The following IFT80 variants were observed in gnomAD, a reference collection of about 807,000 sequenced individuals.
IFT80 encodes intraflagellar transport protein 80 homolog.
A neutral mutation model predicts 107.9 loss-of-function variants in IFT80; 79 were observed. That is an observed-to-expected ratio of 0.73 (90% CI 0.61 to 0.88). IFT80 has a LOEUF of 0.88. Among genes scored for constraint, IFT80 ranks in the 40% least tolerant of loss-of-function variants. The probability of loss-of-function intolerance (pLI) is 0.00; values close to 1 mark genes in which losing one functional copy is unlikely to be tolerated. For missense variants in IFT80, 797 were observed against 914.2 expected (o/e 0.87, Z 1.65); for synonymous variants, 299 against 300.9 (o/e 0.99, Z 0.07).
At chr3:160,382,142 G>A (rs1025271850) in intron 2 of IFT80, among the ~76,000 whole-genome samples, 1 of 152,136 alleles carries the variant, frequency 6.6e-6, no homozygotes, top group African/African-American at 2.4e-5. Context: ...TCTGTATCAT[G>A]TAAGTTATTA....
intron 5 of IFT80, among the ~76,000 whole-genome samples, chr3:160,368,635 AC>A (rs1297634301): frequency 2.6e-5 from 4 of 151,530 alleles, no homozygotes; most frequent in Non-Finnish European, 5.9e-5. Context: ...ACCTTAATAA[AC>A]TCCCCAAAAA....
At chr3:160,323,541 T>G (rs1433077116) in intron 8 of IFT80, among the ~76,000 whole-genome samples, 1 of 151,784 alleles carries the variant, frequency 6.6e-6, no homozygotes, top group East Asian at 1.9e-4. Flanking sequence ...GGGTACATAA[T>G]GAAATGAAGG....
At chr3:160,363,866 G>C (rs147742305) in intron 6 of IFT80, among the ~76,000 whole-genome samples, 2 of 151,970 alleles carry the variant, frequency 1.3e-5, no homozygotes, top group Non-Finnish European at 2.9e-5. Context: ...TTCAAGATGG[G>C]TTAAAGTCTT....
chr3:160,362,418 A>C (rs1002028585), intron 6 of IFT80, among the ~76,000 whole-genome samples: 1 of 152,228 alleles, frequency 6.6e-6, no homozygotes, highest in Admixed American at 6.5e-5. Context: ...AGACAGATTC[A>C]CAGCCGAATT....
chr3:160,340,295 G>T (rs919935288), intron 8 of IFT80, among the ~76,000 whole-genome samples: 2 of 152,152 alleles, frequency 1.3e-5, no homozygotes, highest in African/African-American at 4.8e-5. Context: ...CAGTTACAAA[G>T]ATATAGTTTG....
chr3:160,280,756 T>C lies in IFT80; in HGVS notation c.1575A>G (p.Gln525=), dbSNP rs574214763. 1 of 1,613,026 alleles carries C rather than the reference T, an allele frequency of 6.2e-7. No individual in the cohort carries two copies. Among genetic ancestry groups the C allele is most frequent in the Admixed American group, 1.7e-5 (1 of 59,972 alleles). ...NDTCNILCGL[Q]DTRFIVWYYP... is the part of the protein sequence containing the mutation. ...AATACCACACTATAAATCGAGTATC[T>C]TGAAGTCCACAAAGGATATTGCATG... Residue 525 remains glutamine, a synonymous_variant, in exon 15 of 20, where the codon CAA becomes CAG. Coordinates refer to ENST00000326448, the MANE Select transcript of IFT80 (RefSeq NM_020800.3).
At chr3:160,379,920 G>T (rs1430094838) in intron 3 of IFT80, among the ~76,000 whole-genome samples, 3 of 151,948 alleles carry the variant, frequency 2.0e-5, no homozygotes, top group Admixed American at 6.6e-5. Flanking sequence ...ACTACTGTTT[G>T]TCCTAACATC....
rs1326250388 is a variant in IFT80 at position 160,377,438 on chromosome 3, A to C, written c.362T>G (p.Leu121Ter). The change falls in exon 4 of 20, where the codon TTA becomes TGA. Residue 121 changes from leucine (L) to a stop codon, truncating the protein, a stop_gained. Coordinates refer to ENST00000326448, the MANE Select transcript of IFT80 (RefSeq NM_020800.3). LOFTEE classifies it high-confidence loss of function. ...TTTTACAGACAACTTACCTGTAACT[A>C]ATGCTGTTCCTTCATAATTCCATCT... ...AGRWNYEGTA[L>*]VTVGEDGQIK... 6.4e-7 allele frequency: 1 copy of C among 1,572,680 alleles called. No individual in the cohort carries two copies. The highest frequency in any genetic ancestry group is 1.7e-5 in the Admixed American group (1 of 59,888).
In IFT80 at chr3:160,257,206, T is replaced by C. The variant is rs1468817394; in HGVS notation, c.*1319A>G. 6.6e-6 allele frequency: 1 copy of C among 151,986 alleles called. No individual in the cohort carries two copies. Among genetic ancestry groups the C allele is most frequent in the East Asian group, 1.9e-4 (1 of 5,188 alleles). The allele number at this position is 151,986 out of a possible 1,614,324, so 9.4% of individuals were successfully genotyped here. On this transcript the variant is annotated 3_prime_UTR_variant, in exon 20 of 20. Transcript: ENST00000326448. Reference sequence around the variant, plus strand: ...AATATTCCGGAAAAGAAAAGAAACATGTTAAAAAGAAAAGATTTTTATTTA... The same window carrying C: ...AATATTCCGGAAAAGAAAAGAAACACGTTAAAAAGAAAAGATTTTTATTTA...
intron 16 of IFT80, among the ~76,000 whole-genome samples, chr3:160,278,214 G>A (rs1714419588): frequency 6.6e-6 from 1 of 152,234 alleles, no homozygotes; most frequent in African/African-American, 2.4e-5. Flanking sequence ...GCTTGCATGA[G>A]TGAATGCCAG....
intron 11 of IFT80, among the ~76,000 whole-genome samples, chr3:160,301,925 T>A (rs1287943500): frequency 6.6e-6 from 1 of 152,028 alleles, no homozygotes; most frequent in African/African-American, 2.4e-5. Context: ...TTTTAAAGAA[T>A]GTCTACAGTG....
chr3:160,300,876 T>C lies in IFT80; in HGVS notation c.1315+7A>G. ...TTTGACAGGAAAAATTATAAAAATA[T>C]ACTTACTTTTTTCATCAGCTTTGTC... is the stretch of plus-strand genomic sequence containing the variant. On this transcript the variant is annotated splice_region_variant and intron_variant, in intron 12 of 19. Coordinates refer to ENST00000326448, the MANE Select transcript of IFT80 (RefSeq NM_020800.3). 1.3e-6 allele frequency: 2 copies of C among 1,587,968 alleles called. No individual in the cohort carries two copies. Among genetic ancestry groups the C allele is most frequent in the South Asian group, 1.2e-5 (1 of 86,394 alleles).
intron 12 of IFT80, among the ~76,000 whole-genome samples, chr3:160,289,363 T>A (rs995275611): frequency 1.6e-4 from 25 of 152,164 alleles, no homozygotes; most frequent in Non-Finnish European, 1.3e-4. Flanking sequence ...CTAGGCTTAG[T>A]AACTAGGTGA....
chr3:160,286,005 A>G, intron 12 of IFT80, 137 bp from the exon 13 acceptor site: 2 of 588,566 alleles, frequency 3.4e-6, no homozygotes, highest in East Asian at 2.9e-5. Flanking sequence ...TCCAATTTTA[A>G]TTTATTAATG....
At chr3:160,391,869 A>G (rs4680579) in intron 1 of IFT80, among the ~76,000 whole-genome samples, 79,747 of 152,014 alleles carry the variant, frequency 0.52, 21,369 homozygotes, top group African/African-American at 0.56. Flanking sequence ...TCGTATTTAA[A>G]TTACTGTCAT....
intron 8 of IFT80, among the ~76,000 whole-genome samples, chr3:160,341,998 T>C (rs1719931704): frequency 6.6e-6 from 1 of 152,188 alleles, no homozygotes; most frequent in South Asian, 2.1e-4. Context: ...TCTCCAGCAC[T>C]GCTTGTGTTT....
rs528967247 is a variant in IFT80 at position 160,360,325 on chromosome 3, G to A, written c.550-2747C>T. On this transcript the variant is annotated intron_variant, in intron 6 of 19. Transcript: ENST00000326448. The stretch of plus-strand genomic sequence containing the variant: ...TAGACAAAAAAGAGTAAAAAGAGAC[G>A]AACAAAGCCTCCAAGAAATATGGGA... Among the ~76,000 whole-genome samples the A allele has an allele frequency of 2.6e-5, 4 of 152,188 alleles. No individual in the cohort carries two copies. In the South Asian group the frequency reaches 6.2e-4, roughly 24 times the overall value.
chr3:160,265,210 A>G (rs868797907), intron 19 of IFT80, among the ~76,000 whole-genome samples: 1 of 152,200 alleles, frequency 6.6e-6, no homozygotes, highest in Non-Finnish European at 1.5e-5. Context: ...CACTCAATAA[A>G]TACTGAATGA....
intron 12 of IFT80, among the ~76,000 whole-genome samples, chr3:160,298,902 T>C (rs548350936): frequency 1.0e-3 from 154 of 152,308 alleles, no homozygotes; most frequent in African/African-American, 3.7e-3. Context: ...ACTATGACAT[T>C]ACAATGGCTA....
Sources: allele counts gnomAD v4.1 joint callset (sites outside exome capture counted in the v4.1 genomes callset), GRCh38; gene constraint gnomAD v4.1.1; transcripts MANE v1.5; gene names NCBI Gene and HGNC (gene_info 2026-07-23, HGNC 2026-07-21).